The following NKAIN3 variants were observed in gnomAD, a reference collection of about 807,000 sequenced individuals.
NKAIN3 encodes sodium/potassium-transporting ATPase subunit beta-1-interacting protein 3.
In NKAIN3, 25 loss-of-function variants were observed where a neutral mutation model predicts 30.2. The observed-to-expected ratio is 0.83, with a 90% CI of 0.60 to 1.16. The LOEUF is 1.16. Ranked by LOEUF, NKAIN3 falls within the 50% of genes most tolerant of loss-of-function variation. NKAIN3 has a pLI of 0.00. For synonymous variants in NKAIN3, 91 were observed against 89.6 expected, an observed-to-expected ratio of 1.02 and a Z score of -0.09; for missense variants, 225 against 254.1, an observed-to-expected ratio of 0.89 and a Z score of 0.78.
At chr8:62,304,987 TTGG>T (rs1814179626) in intron 1 of NKAIN3, among the ~76,000 whole-genome samples, 1 of 150,466 alleles carries the variant, frequency 6.6e-6, no homozygotes, top group African/African-American at 2.5e-5. Context: ...CTATGTCACC[TTGG>T]TCAGTCAGAT....
chr8:62,734,096 A>G (rs1815571005), intron 3 of NKAIN3, among the ~76,000 whole-genome samples: 1 of 152,140 alleles, frequency 6.6e-6, no homozygotes, highest in Admixed American at 6.6e-5. Context: ...TACCTGGGTG[A>G]TATAGTGGGA....
intron 5 of NKAIN3, among the ~76,000 whole-genome samples, chr8:62,991,787 T>C (rs1824324884): frequency 6.6e-6 from 1 of 152,112 alleles, no homozygotes; most frequent in Non-Finnish European, 1.5e-5. Flanking sequence ...GGATATCTCC[T>C]GTTAATGCAA....
intron 4 of NKAIN3, among the ~76,000 whole-genome samples, chr8:62,908,524 G>A (rs528427425): frequency 1.1e-4 from 2 of 17,562 alleles, no homozygotes; most frequent in South Asian, 4.4e-3. Context: ...TAATTCCCAC[G>A]TCATGGGAGG....
chr8:62,791,809 T>C (rs17179841), intron 4 of NKAIN3, among the ~76,000 whole-genome samples: 7,166 of 152,212 alleles, frequency 0.047, 213 homozygotes, highest in Non-Finnish European at 0.072. Context: ...AGCACTACCT[T>C]ACCAAAGGAC....
intron 4 of NKAIN3, among the ~76,000 whole-genome samples, chr8:62,793,757 A>T (rs1326436105): frequency 6.6e-6 from 1 of 152,202 alleles, no homozygotes; most frequent in Non-Finnish European, 1.5e-5. Flanking sequence ...AAGAAAATCT[A>T]ATCTCCAACA....
At chr8:62,906,712 A>G (rs7463670) in intron 4 of NKAIN3, among the ~76,000 whole-genome samples, 117,189 of 152,124 alleles carry the variant, frequency 0.77, 45,956 homozygotes, top group East Asian at 0.98. Context: ...CTTGCATGCC[A>G]CCATGTAAGA....
At chr8:62,719,762 T>C (rs1806267328) in intron 3 of NKAIN3, among the ~76,000 whole-genome samples, 1 of 144,816 alleles carries the variant, frequency 6.9e-6, no homozygotes, top group African/African-American at 2.6e-5. Flanking sequence ...TCTTTTTTTT[T>C]TTTTTTTTTT....
intron 1 of NKAIN3, among the ~76,000 whole-genome samples, chr8:62,553,418 A>G (rs1809279615): frequency 6.6e-6 from 1 of 152,206 alleles, no homozygotes; most frequent in Admixed American, 6.5e-5. Flanking sequence ...ATGCTATGCT[A>G]TAAAAATAGA....
intron 3 of NKAIN3, among the ~76,000 whole-genome samples, chr8:62,658,903 T>C (rs1039756031): frequency 1.3e-5 from 2 of 152,000 alleles, no homozygotes; most frequent in African/African-American, 4.8e-5. Flanking sequence ...AGTGTATATC[T>C]AGAATGCAGG....
chr8:62,459,671 A>C (rs1420490799), intron 1 of NKAIN3, among the ~76,000 whole-genome samples: 3 of 152,188 alleles, frequency 2.0e-5, no homozygotes, highest in African/African-American at 7.2e-5. Context: ...TTCTATGATA[A>C]ATTGATATAA....
At chr8:62,504,027 A>G (rs946341299) in intron 1 of NKAIN3, among the ~76,000 whole-genome samples, 1 of 152,182 alleles carries the variant, frequency 6.6e-6, no homozygotes, top group African/African-American at 2.4e-5. Context: ...TATCTATGAA[A>G]TCTTCACAAT....
chr8:62,774,478 T>C (rs1052202748), intron 4 of NKAIN3, among the ~76,000 whole-genome samples: 4 of 152,200 alleles, frequency 2.6e-5, no homozygotes, highest in African/African-American at 9.6e-5. Context: ...ATCCTTGTCA[T>C]GTTCCAGATT....
chr8:62,340,102 C>T (rs1181984700), intron 1 of NKAIN3, among the ~76,000 whole-genome samples: 1 of 152,062 alleles, frequency 6.6e-6, no homozygotes, highest in Non-Finnish European at 1.5e-5. Flanking sequence ...TTTTATGTTA[C>T]ATAGAAGCCT....
intron 1 of NKAIN3, among the ~76,000 whole-genome samples, chr8:62,532,286 G>C (rs780592174): frequency 6.6e-6 from 1 of 152,030 alleles, no homozygotes; most frequent in Non-Finnish European, 1.5e-5. Flanking sequence ...TCAAAACCTG[G>C]CAGAGAAAAG....
At chr8:62,307,780 T>C (rs1814298943) in intron 1 of NKAIN3, among the ~76,000 whole-genome samples, 1 of 150,836 alleles carries the variant, frequency 6.6e-6, no homozygotes, top group Non-Finnish European at 1.5e-5. Flanking sequence ...TGCATGAAAC[T>C]TTTTGAGACA....
chr8:62,852,704 G>A (rs764530942), intron 4 of NKAIN3, among the ~76,000 whole-genome samples: 5 of 151,950 alleles, frequency 3.3e-5, no homozygotes, highest in Non-Finnish European at 4.4e-5. Flanking sequence ...CCTTCATTTC[G>A]TTATGTACCC....
intron 1 of NKAIN3, among the ~76,000 whole-genome samples, chr8:62,476,100 C>A (rs913628222): frequency 2.0e-5 from 3 of 152,164 alleles, no homozygotes; most frequent in Non-Finnish European, 4.4e-5. Context: ...TAGTTAATAG[C>A]TAGGGATTTC....
chr8:62,985,216 G>A (rs1016258019), downstream of NKAIN3, among the ~76,000 whole-genome samples: 5 of 152,148 alleles, frequency 3.3e-5, no homozygotes, highest in African/African-American at 1.2e-4. Flanking sequence ...TCTCACCCCT[G>A]CCACTCACTC....
chr8:62,395,773 A>G (rs1231859247), intron 1 of NKAIN3, among the ~76,000 whole-genome samples: 1 of 152,222 alleles, frequency 6.6e-6, no homozygotes, highest in Non-Finnish European at 1.5e-5. Context: ...ATAAGTAGAT[A>G]TAGATCTCAA....
Sources: allele counts gnomAD v4.1 joint callset (sites outside exome capture counted in the v4.1 genomes callset), GRCh38; gene constraint gnomAD v4.1.1; transcripts MANE v1.5; gene names NCBI Gene and HGNC (gene_info 2026-07-23, HGNC 2026-07-21).